SIMC1: variants seen among roughly 807,000 people sequenced by gnomAD.
The protein encoded by SIMC1 is SUMO-interacting motif-containing protein 1.
SIMC1 carries 55 observed loss-of-function variants against 82.3 expected under a neutral mutation model. That is an observed-to-expected ratio of 0.67 (90% CI 0.54 to 0.84). SIMC1 has a LOEUF of 0.84. Ranked by LOEUF, SIMC1 falls within the 40% of genes least tolerant of loss-of-function variation. The probability of loss-of-function intolerance (pLI) is 0.00; values close to 1 mark genes in which losing one functional copy is unlikely to be tolerated. For missense variants in SIMC1, 915 were observed against 1,107.2 expected (o/e 0.83, Z 2.46); for synonymous variants, 353 against 426.3 (o/e 0.83, Z 2.12).
At chr5:176,292,533 GA>G (rs1453012467) in intron 2 of SIMC1, among the ~76,000 whole-genome samples, 1 of 151,920 alleles carries the variant, frequency 6.6e-6, no homozygotes, top group Non-Finnish European at 1.5e-5. Flanking sequence ...GCCTCTGCCT[GA>G]CCACTAGCTC....
At chr5:176,302,765 A>G (rs1216503191) in intron 4 of SIMC1, among the ~76,000 whole-genome samples, 1 of 152,232 alleles carries the variant, frequency 6.6e-6, no homozygotes, top group East Asian at 1.9e-4. Context: ...TAAACCAACA[A>G]TGAAAAATCT....
intron 3 of SIMC1, chr5:176,296,012 T>G (rs1352662245): frequency 3.1e-6 from 2 of 652,428 alleles, no homozygotes; most frequent in Non-Finnish European, 5.1e-6. Flanking sequence ...AGTGAAGAGT[T>G]GGTTTCTTAA....
chr5:176,260,650 A>T (rs1355236132), intron 1 of SIMC1, among the ~76,000 whole-genome samples: 1 of 151,968 alleles, frequency 6.6e-6, no homozygotes, highest in African/African-American at 2.4e-5. Context: ...CTTGCAGTGG[A>T]ATTTTGAGGA....
At position 176,290,803 on chromosome 5, in the gene SIMC1, C is replaced by T. The variant is rs749920303; in HGVS notation, c.1279C>T (p.Pro427Ser). 1 of 1,613,500 alleles carries T rather than the reference C, an allele frequency of 6.2e-7. No homozygotes were observed. Among genetic ancestry groups the T allele is most frequent in the Non-Finnish European group, 8.5e-7 (1 of 1,179,562 alleles). Reference sequence around the variant, plus strand: ...CAGAAAAGAAATATCACTGTCAGAGCCTGCCAAACCTGGGTCTGCCCACGT... The same window carrying T: ...CAGAAAAGAAATATCACTGTCAGAGTCTGCCAAACCTGGGTCTGCCCACGT... The part of the protein sequence containing the change: ...PARKEISLSE[P>S]AKPGSAHVQS... Residue 427 changes from proline (P) to serine (S), a missense_variant, in exon 2 of 10, where the codon CCT (proline) becomes TCT (serine). Coordinates refer to ENST00000429602, the MANE Select transcript of SIMC1 (RefSeq NM_001308195.2).
At chr5:176,287,742 A>T (rs190317184) in intron 1 of SIMC1, among the ~76,000 whole-genome samples, 26 of 152,166 alleles carry the variant, frequency 1.7e-4, no homozygotes, top group African/African-American at 6.0e-4. Flanking sequence ...GAATCGACAA[A>T]AAAAAGTTTA....
chr5:176,257,183 C>T (rs1037990649), intron 1 of SIMC1, among the ~76,000 whole-genome samples: 16 of 152,132 alleles, frequency 1.1e-4, no homozygotes, highest in Non-Finnish European at 1.8e-4. Flanking sequence ...ATATATCTTT[C>T]GGGATTTCAT....
chr5:176,328,882 G>A lies in SIMC1; in HGVS notation c.2171+4125G>A, dbSNP rs368356654. ...ATTAATCAATAAAAATGGAAGGGGT[G>A]GAGGGACAGGCCCAGGTAACTTTTT... On this transcript the variant is annotated intron_variant, in intron 7 of 9. Coordinates refer to ENST00000429602, the MANE Select transcript of SIMC1 (RefSeq NM_001308195.2). 2.0e-5 allele frequency among the ~76,000 whole-genome samples: 3 copies of A among 152,086 alleles called. No individual in the cohort carries two copies. The East Asian group carries it at 5.8e-4, about 29-fold the overall frequency.
At chr5:176,281,712 G>A (rs1388841741) in intron 1 of SIMC1, among the ~76,000 whole-genome samples, 1 of 152,214 alleles carries the variant, frequency 6.6e-6, no homozygotes, top group Admixed American at 6.5e-5. Context: ...CTGTTTGCCT[G>A]GGTATCAGCA....
intron 7 of SIMC1, among the ~76,000 whole-genome samples, chr5:176,328,686 T>C (rs539900623): frequency 1.8e-4 from 28 of 152,094 alleles, no homozygotes; most frequent in Non-Finnish European, 3.8e-4. Context: ...GTGCCAAAAA[T>C]GGAATACAAA....
At chr5:176,284,813 C>G (rs1403198564) in intron 1 of SIMC1, among the ~76,000 whole-genome samples, 1 of 152,146 alleles carries the variant, frequency 6.6e-6, no homozygotes, top group African/African-American at 2.4e-5. Flanking sequence ...TCAGAAAATA[C>G]TATAAACACC....
At chr5:176,287,070 G>A (rs1438385174) in intron 1 of SIMC1, among the ~76,000 whole-genome samples, 1 of 152,176 alleles carries the variant, frequency 6.6e-6, no homozygotes, top group Non-Finnish European at 1.5e-5. Context: ...AGACAGTGTG[G>A]CGATTCCTCA....
rs79477198 is a variant in SIMC1, at chr5:176,265,266, T to TCAAACAAACAAACAAA, written c.130-24377_130-24362dup. On this transcript the variant is annotated intron_variant, in intron 1 of 9. Transcript: ENST00000429602. ...AGCCAACTTAGAAGGACTCTCCACT[T>TCAAACAAACAAACAAA]CAAACAAACAAACAAACAAACAAAC... 4.3e-3 allele frequency among the ~76,000 whole-genome samples: 642 copies of TCAAACAAACAAACAAA among 150,792 alleles called. 1 individual carries two copies. The highest frequency in any genetic ancestry group is 5.9e-3 in the Non-Finnish European group (397 of 67,658).
In SIMC1 at chr5:176,290,413, T is replaced by G. The variant is rs139820975; in HGVS notation, c.889T>G (p.Leu297Val). 187 of 1,613,814 alleles carry G rather than the reference T, an allele frequency of 1.2e-4. No individual in the cohort carries two copies. The highest frequency in any genetic ancestry group is 1.5e-4 in the Non-Finnish European group (179 of 1,179,862). ...TGTGCCAGGGCTGCCTCAAAGCATA[T>G]TACATCCACAAGATGTGGCATACCT... is the stretch of plus-strand genomic sequence containing the variant. ...QDVPGLPQSI[L>V]HPQDVAYLQD... The change falls in exon 2 of 10, where the codon TTA (leucine) becomes GTA (valine). Residue 297 changes from leucine (L) to valine (V), a missense_variant. Physicochemically the swap from Leu to Val is conservative, Grantham distance 32 (BLOSUM62 1). Around this residue, in one of 2 missense-constraint regions of SIMC1, gnomAD observed 902 missense variants for 1,040.3 expected, o/e 0.87. Coordinates refer to ENST00000429602, the MANE Select transcript of SIMC1 (RefSeq NM_001308195.2).
chr5:176,305,565 G>A (rs375239081), intron 4 of SIMC1, among the ~76,000 whole-genome samples: 3,783 of 122,422 alleles, frequency 0.031, 1 homozygote, highest in Admixed American at 0.049. Context: ...CAGCCGCCCC[G>A]TCCGGGAGGG....
chr5:176,317,323 A>G (rs560772466), intron 5 of SIMC1, among the ~76,000 whole-genome samples: 2 of 152,174 alleles, frequency 1.3e-5, no homozygotes, highest in Non-Finnish European at 2.9e-5. Context: ...TTCATTTTGA[A>G]CTATGCATAC....
At chr5:176,308,076 TGGTGCAGGC>T in intron 4 of SIMC1, 2 of 730,688 alleles carry the variant, frequency 2.7e-6, no homozygotes, top group Non-Finnish European at 5.0e-6. Flanking sequence ...GCAGTGCAGG[TGGTGCAGGC>T]GGTGCAGGCA....
At chr5:176,273,341 C>G (rs1183467171) in intron 1 of SIMC1, among the ~76,000 whole-genome samples, 1 of 152,156 alleles carries the variant, frequency 6.6e-6, no homozygotes, top group East Asian at 1.9e-4. Flanking sequence ...GGACCTCCAG[C>G]AAACTCCAAC....
At chr5:176,261,876 C>T (rs1180021133) in intron 1 of SIMC1, among the ~76,000 whole-genome samples, 3 of 152,078 alleles carry the variant, frequency 2.0e-5, no homozygotes, top group East Asian at 1.9e-4. Context: ...GATGGGTTGG[C>T]GAGTGAATTC....
intron 9 of SIMC1, among the ~76,000 whole-genome samples, chr5:176,340,687 G>A (rs1277275470): frequency 7.9e-5 from 12 of 152,218 alleles, no homozygotes; most frequent in Admixed American, 7.8e-4. Context: ...CATGGCATCT[G>A]CCCTCACAGA....
Sources: allele counts gnomAD v4.1 joint callset (sites outside exome capture counted in the v4.1 genomes callset), GRCh38; gene constraint gnomAD v4.1.1; regional missense constraint gnomAD v4.1.1; transcripts MANE v1.5; gene names NCBI Gene and HGNC (gene_info 2026-07-23, HGNC 2026-07-21).